Variants in COTL1 observed in about 807,000 individuals in gnomAD.
The protein encoded by COTL1 is coactosin like F-actin binding protein 1.
In COTL1, 15 loss-of-function variants were observed where a neutral mutation model predicts 16.5. That is an observed-to-expected ratio of 0.91 (90% confidence interval 0.61 to 1.40). The LOEUF is 1.40. COTL1 is among the 40% of genes most tolerant of loss of function. The probability of loss-of-function intolerance (pLI) is 0.00; values close to 1 mark genes in which losing one functional copy is unlikely to be tolerated. For synonymous variants in COTL1, 112 were observed against 85.3 expected, an observed-to-expected ratio of 1.31 and a Z score of -1.73; for missense variants, 220 against 201.5, an observed-to-expected ratio of 1.09 and a Z score of -0.56.
intron 3 of COTL1, among the ~76,000 whole-genome samples, chr16:84,572,166 G>A (rs768661777): frequency 7.9e-5 from 12 of 152,268 alleles, no homozygotes; most frequent in Admixed American, 3.9e-4. Context: ...GGCAGAAGCT[G>A]AGCAAAACAG....
chr16:84,588,173 G>T (rs1904778374), intron 3 of COTL1, among the ~76,000 whole-genome samples: 1 of 151,970 alleles, frequency 6.6e-6, no homozygotes, highest in African/African-American at 2.4e-5. Context: ...TTGAGTCCAG[G>T]AATTCGAGGC....
chr16:84,591,662 A>AAAAAAAAAAAAC (rs1904867414), intron 2 of COTL1, among the ~76,000 whole-genome samples: 1 of 127,662 alleles, frequency 7.8e-6, no homozygotes, highest in African/African-American at 3.0e-5. Context: ...AAAAAAAAAA[A>AAAAAAAAAAAAC]AAACCAAAAA....
intron 3 of COTL1, among the ~76,000 whole-genome samples, chr16:84,577,901 G>A (rs939175344): frequency 1.3e-5 from 2 of 152,186 alleles, no homozygotes; most frequent in African/African-American, 4.8e-5. Context: ...GACCTCTTCA[G>A]CATTTGGGCA....
In COTL1 at chr16:84,566,770, GCTGAGGCCGGCGGTCCTCTCCCC is replaced by G; in HGVS notation, c.*52_*74del. The G allele has an allele frequency of 1.0e-6, 1 of 1,000,944 alleles. No homozygotes were observed. The highest frequency in any genetic ancestry group is 2.2e-4 in the Middle Eastern group (1 of 4,458). The allele number at this position is 1,000,944 out of a possible 1,614,324, so 62.0% of individuals were successfully genotyped here. On this transcript the variant is annotated 3_prime_UTR_variant, in exon 4 of 4. Coordinates refer to ENST00000262428, the MANE Select transcript of COTL1 (RefSeq NM_021149.5). ...TCCCTGGTGGGCTGGTGGGCTAGTA[GCTGAGGCCGGCGGTCCTCTCCCC>G]CGGGGAGCAGGCAGATGACTTTGGC...
At chr16:84,594,255 A>T (rs1341748018) in intron 2 of COTL1, 2 of 152,288 alleles carry the variant, frequency 1.3e-5, no homozygotes, top group African/African-American at 4.8e-5. Context: ...ACTGAAAGTG[A>T]AAGCTACAAA....
At chr16:84,605,145 G>A (rs1905187067) in intron 2 of COTL1, among the ~76,000 whole-genome samples, 1 of 152,204 alleles carries the variant, frequency 6.6e-6, no homozygotes, top group African/African-American at 2.4e-5. Context: ...CCCATGGCCT[G>A]GGCCTGGGCC....
Position 84,577,679 on chromosome 16 carries a change from C to T in COTL1, c.319-10724G>A, listed in dbSNP as rs74977880. Among the ~76,000 whole-genome samples the T allele has an allele frequency of 7.6e-4, 116 of 152,274 alleles. 2 individuals are homozygous for T. The East Asian group carries it at 9.1e-3, about 12-fold the overall frequency. Reference sequence around the variant, plus strand: ...TCAAACCCTCGTAGCTCAGGAGTGACGCGACCCTGCTGTACTTGAGGAACA... The same window carrying T: ...TCAAACCCTCGTAGCTCAGGAGTGATGCGACCCTGCTGTACTTGAGGAACA... On this transcript the variant is annotated intron_variant, in intron 3 of 3. Transcript: ENST00000262428.
Position 84,590,018 on chromosome 16 carries a change from C to A in COTL1, c.318+87G>T, listed in dbSNP as rs1597175456. The A allele has an allele frequency of 5.1e-6, 7 of 1,384,762 alleles. No individual in the cohort carries two copies. In the East Asian group the frequency reaches 1.6e-4, roughly 32 times the overall value. 85.8% of individuals were successfully genotyped at this position (1,384,762 alleles called of 1,614,324 possible). A position where few individuals can be genotyped will look rare whatever the true frequency, so the allele number is the denominator to read the frequency against. ...CCCAAGTCACAGCTAAGCTACAGAC[C>A]CAGGAGTCGAACCCAGCCCTCTCCC... is the stretch of plus-strand genomic sequence containing the variant. On this transcript the variant is annotated intron_variant, in intron 3 of 3. Transcript: ENST00000262428. The surrounding 1 kb of genome is among the most constrained non-coding windows in gnomAD (Gnocchi z 5.5).
At chr16:84,574,030 T>G (rs1904395360) in intron 3 of COTL1, among the ~76,000 whole-genome samples, 1 of 151,984 alleles carries the variant, frequency 6.6e-6, no homozygotes, top group South Asian at 2.1e-4. Flanking sequence ...TAGCCAACAG[T>G]GGTGGTGTGC....
At chr16:84,610,655 G>A (rs908858566) in intron 2 of COTL1, among the ~76,000 whole-genome samples, 8 of 152,150 alleles carry the variant, frequency 5.3e-5, no homozygotes, top group Non-Finnish European at 1.2e-4. Context: ...CACTCTCACA[G>A]GAACTACATT....
At chr16:84,597,506 A>G (rs1905029472) in intron 2 of COTL1, among the ~76,000 whole-genome samples, 1 of 152,162 alleles carries the variant, frequency 6.6e-6, no homozygotes, top group East Asian at 1.9e-4. Flanking sequence ...AAATGTGGGT[A>G]CTCAGGCTCC....
At chr16:84,598,744 G>A (rs999567258) in intron 2 of COTL1, among the ~76,000 whole-genome samples, 2 of 148,906 alleles carry the variant, frequency 1.3e-5, no homozygotes, top group Non-Finnish European at 3.0e-5. Flanking sequence ...CAGTGGGGGT[G>A]GGAAGGACCA....
intron 2 of COTL1, among the ~76,000 whole-genome samples, chr16:84,606,322 G>C (rs1905210442): frequency 6.6e-6 from 1 of 152,216 alleles, no homozygotes; most frequent in Non-Finnish European, 1.5e-5. Flanking sequence ...TACTTTGGAG[G>C]AGGGGACGGC....
At chr16:84,615,043 T>C (rs1280848252) in intron 2 of COTL1, among the ~76,000 whole-genome samples, 3 of 152,152 alleles carry the variant, frequency 2.0e-5, no homozygotes, top group Non-Finnish European at 4.4e-5. Flanking sequence ...ATGACCAAGA[T>C]AAGGCACGTC....
intron 2 of COTL1, among the ~76,000 whole-genome samples, chr16:84,591,923 G>A (rs367979150): frequency 1.2e-4 from 18 of 152,156 alleles, no homozygotes; most frequent in South Asian, 8.3e-4. Flanking sequence ...ATGTGTGTGC[G>A]TGTGCATGCG....
At chr16:84,578,854 C>T (rs1904511440) in intron 3 of COTL1, among the ~76,000 whole-genome samples, 1 of 152,006 alleles carries the variant, frequency 6.6e-6, no homozygotes, top group Non-Finnish European at 1.5e-5. Flanking sequence ...CAGGTATGCA[C>T]ACACACATAC....
chr16:84,616,355 T>C (rs1160316035), intron 2 of COTL1: 2 of 151,988 alleles, frequency 1.3e-5, no homozygotes, highest in African/African-American at 2.4e-5. Context: ...TACAAAAAAT[T>C]AGCCAGGCGT....
chr16:84,592,332 A>T (rs1904890505), intron 2 of COTL1, among the ~76,000 whole-genome samples: 1 of 152,206 alleles, frequency 6.6e-6, no homozygotes, highest in Admixed American at 6.5e-5. Flanking sequence ...GCTGGCACAT[A>T]GGGATGCCAC....
chr16:84,614,295 G>A (rs565266111), intron 2 of COTL1, among the ~76,000 whole-genome samples: 122 of 152,338 alleles, frequency 8.0e-4, no homozygotes, highest in African/African-American at 2.8e-3. Context: ...AGGCAAGCTC[G>A]GGAAGAAGCA....
Sources: allele counts gnomAD v4.1 joint callset (sites outside exome capture counted in the v4.1 genomes callset), GRCh38; gene constraint gnomAD v4.1.1; non-coding constraint Gnocchi (gnomAD v3.1); transcripts MANE v1.5; gene names NCBI Gene and HGNC (gene_info 2026-07-23, HGNC 2026-07-21).